The following MUSK variants were observed in gnomAD, a reference collection of about 807,000 sequenced individuals.
The protein encoded by MUSK is muscle associated receptor tyrosine kinase, also known as muscle, skeletal receptor tyrosine-protein kinase.
MUSK carries 55 observed loss-of-function variants against 88.7 expected under a neutral mutation model. The ratio of observed to expected loss-of-function variants is 0.62; its 90% CI spans 0.50 to 0.78. The LOEUF is 0.78. Ranked by LOEUF, MUSK falls within the 30% of genes least tolerant of loss-of-function variation. MUSK has a pLI of 0.00. For synonymous variants in MUSK, 387 were observed against 391.9 expected, an observed-to-expected ratio of 0.99 and a Z score of 0.15; for missense variants, 1,015 against 1,074.3, an observed-to-expected ratio of 0.94 and a Z score of 0.77.
intron 14 of MUSK, among the ~76,000 whole-genome samples, chr9:110,789,616 TA>T (rs1257704032): frequency 2.0e-5 from 3 of 152,118 alleles, no homozygotes; most frequent in African/African-American, 7.2e-5. Flanking sequence ...CCATCTCTAC[TA>T]AAAATACAAA....
chr9:110,722,450 A>C (rs1242417621), intron 5 of MUSK, among the ~76,000 whole-genome samples: 1 of 152,062 alleles, frequency 6.6e-6, no homozygotes, highest in Non-Finnish European at 1.5e-5. Flanking sequence ...GAATCACTTG[A>C]AACTGGGAGG....
intron 3 of MUSK, among the ~76,000 whole-genome samples, chr9:110,689,011 C>A (rs1352776731): frequency 7.1e-6 from 1 of 140,020 alleles, no homozygotes; most frequent in South Asian, 2.2e-4. Flanking sequence ...TATATAAAAA[C>A]ATATTTAAAT....
At chr9:110,762,242 T>G in intron 8 of MUSK, 34 bp downstream of exon 8, 1 of 1,399,174 alleles carries the variant, frequency 7.1e-7, no homozygotes. Flanking sequence ...TTGTTTCCAA[T>G]GTTTTGTTTT....
intron 5 of MUSK, among the ~76,000 whole-genome samples, chr9:110,730,117 C>T (rs1017513702): frequency 1.3e-5 from 2 of 152,012 alleles, no homozygotes; most frequent in African/African-American, 4.8e-5. Flanking sequence ...TCTCCACTTG[C>T]AGTTAGCCTG....
intron 10 of MUSK, among the ~76,000 whole-genome samples, chr9:110,776,201 T>C (rs2131989270): frequency 6.6e-6 from 1 of 152,344 alleles, no homozygotes; most frequent in East Asian, 1.9e-4. Flanking sequence ...TAATTACTGC[T>C]TGACATTTTA....
At chr9:110,724,492 C>T (rs907608124) in intron 5 of MUSK, among the ~76,000 whole-genome samples, 1 of 151,952 alleles carries the variant, frequency 6.6e-6, no homozygotes, top group African/African-American at 2.4e-5. Context: ...GTCACTAAAC[C>T]GTCAAAAGCA....
At chr9:110,789,814 T>A (rs187061366) in intron 14 of MUSK, among the ~76,000 whole-genome samples, 5 of 152,294 alleles carry the variant, frequency 3.3e-5, no homozygotes, top group Admixed American at 3.3e-4. Flanking sequence ...GCGATGCTTA[T>A]TCAACATCCA....
intron 7 of MUSK, among the ~76,000 whole-genome samples, chr9:110,761,149 G>C (rs1427388172): frequency 6.6e-6 from 1 of 152,184 alleles, no homozygotes. Flanking sequence ...AGAAATGCTG[G>C]TTATATCACA....
chr9:110,797,184 AAAAAG>A (rs2078019934), intron 14 of MUSK, among the ~76,000 whole-genome samples: 1 of 143,318 alleles, frequency 7.0e-6, no homozygotes, highest in African/African-American at 2.6e-5. Flanking sequence ...AAAAAAAAAA[AAAAAG>A]AAGGCATTTC....
intron 3 of MUSK, 93 bp downstream of exon 3, chr9:110,687,361 G>A (rs1469877621): frequency 6.9e-7 from 1 of 1,442,262 alleles, no homozygotes; most frequent in East Asian, 2.4e-5. Flanking sequence ...TTGAGACAGA[G>A]TCTCACTCTG....
At position 110,802,054 on chromosome 9, in the gene MUSK, G is replaced by T. The variant is rs2078104717; in HGVS notation, c.*1066G>T. ...TCTTAAACCATAATTTATAATATGAGATTTCACAAGATACACTTGTGGCTC... is the reference window on the plus strand; with the variant it reads ...TCTTAAACCATAATTTATAATATGATATTTCACAAGATACACTTGTGGCTC... On this transcript the variant is annotated 3_prime_UTR_variant, in exon 15 of 15. Coordinates refer to ENST00000374448, the MANE Select transcript of MUSK (RefSeq NM_005592.4). Among the ~76,000 whole-genome samples, 1 of 152,012 alleles carries T rather than the reference G, an allele frequency of 6.6e-6. No homozygotes were observed. Among genetic ancestry groups the T allele is most frequent in the African/African-American group, 2.4e-5 (1 of 41,388 alleles).
chr9:110,701,678 T>TTA lies in MUSK; in HGVS notation c.628+4213_628+4214insAT. Among the ~76,000 whole-genome samples, 2 of 21,446 alleles carry TTA rather than the reference T, an allele frequency of 9.3e-5. 1 individual carries two copies. The highest frequency in any genetic ancestry group is 1.6e-3 in the South Asian group (2 of 1,252). The allele number at this position is 21,446 out of a possible 152,430, so 14.1% of individuals were successfully genotyped here. On this transcript the variant is annotated intron_variant, in intron 5 of 14. Coordinates refer to ENST00000374448, the MANE Select transcript of MUSK (RefSeq NM_005592.4). ...TTTATTTTATTTATTTTATTTTATT[T>TTA]TTTTTACTTTACTTTATTTTATTTT...
At chr9:110,785,829 C>A in intron 13 of MUSK, 111 bp downstream of exon 13, 1 of 581,698 alleles carries the variant, frequency 1.7e-6, no homozygotes, top group Non-Finnish European at 2.8e-6. Flanking sequence ...TATATACACA[C>A]ACATATATAT....
At chr9:110,766,744 A>C (rs933188293) in intron 8 of MUSK, among the ~76,000 whole-genome samples, 1 of 152,212 alleles carries the variant, frequency 6.6e-6, no homozygotes, top group Non-Finnish European at 1.5e-5. Flanking sequence ...ACAATGAAAA[A>C]CTAAATTCGA....
chr9:110,721,801 A>T (rs1291425195), intron 5 of MUSK, among the ~76,000 whole-genome samples: 1 of 152,216 alleles, frequency 6.6e-6, no homozygotes, highest in Admixed American at 6.5e-5. Context: ...CTAAGCAAAA[A>T]GAACAAATCT....
chr9:110,805,604 T>C lies in MUSK; in HGVS notation c.*4616T>C, dbSNP rs2078150848. Among the ~76,000 whole-genome samples the C allele has an allele frequency of 6.6e-6, 1 of 152,004 alleles. No individual in the cohort carries two copies. Among genetic ancestry groups the C allele is most frequent in the East Asian group, 1.9e-4 (1 of 5,200 alleles). On this transcript the variant is annotated 3_prime_UTR_variant, in exon 15 of 15. Coordinates refer to ENST00000374448, the MANE Select transcript of MUSK (RefSeq NM_005592.4). ...AACTACTTTTATCATGTTAAAAATA[T>C]AGACTTCTATTTGTCTTTTATTGTA...
intron 9 of MUSK, among the ~76,000 whole-genome samples, chr9:110,773,143 C>T (rs1406922853): frequency 6.6e-6 from 1 of 151,992 alleles, no homozygotes; most frequent in Non-Finnish European, 1.5e-5. Flanking sequence ...CCAAGTACTA[C>T]ACTGAGCATT....
intron 14 of MUSK, among the ~76,000 whole-genome samples, chr9:110,798,576 A>AATCT (rs2078047555): frequency 6.6e-6 from 1 of 152,122 alleles, no homozygotes; most frequent in African/African-American, 2.4e-5. Context: ...TCCATCCTTA[A>AATCT]ATCTATCCAT....
intron 14 of MUSK, 143 bp downstream of exon 14, chr9:110,787,981 G>C (rs1456217049): frequency 1.1e-6 from 1 of 879,554 alleles, no homozygotes; most frequent in Admixed American, 2.0e-5. Flanking sequence ...CTTCACCTTG[G>C]TCTATCCCAA....
Sources: allele counts gnomAD v4.1 joint callset (sites outside exome capture counted in the v4.1 genomes callset), GRCh38; gene constraint gnomAD v4.1.1; transcripts MANE v1.5; gene names NCBI Gene and HGNC (gene_info 2026-07-23, HGNC 2026-07-21).